Variants in SLC12A7 observed in about 807,000 individuals in gnomAD.
SLC12A7 encodes the protein K-Cl cotransporter 4.
In SLC12A7, 100 loss-of-function variants were observed where a neutral mutation model predicts 120.6. The observed-to-expected ratio is 0.83, with a 90% CI of 0.71 to 0.98. The LOEUF (loss-of-function observed/expected upper bound fraction) is 0.98. SLC12A7 is among the 50% of genes least tolerant of loss of function. The pLI, the probability that SLC12A7 is intolerant of heterozygous loss-of-function variation, is 0.00. For synonymous variants in SLC12A7, 760 were observed against 678.0 expected (o/e 1.12, Z -1.88); for missense variants, 1,373 against 1,548.1 (o/e 0.89, Z 1.90).
chr5:1,124,578 T>G, the SLC12A7 span, among the ~76,000 whole-genome samples: 1 of 152,070 alleles, frequency 6.6e-6, no homozygotes, highest in Admixed American at 6.5e-5. Context: ...AATCCAGAGC[T>G]CAGAGAACAC....
At chr5:1,058,091 CTG>C (rs1456087480) in intron 21 of SLC12A7, among the ~76,000 whole-genome samples, 3 of 152,222 alleles carry the variant, frequency 2.0e-5, no homozygotes, top group African/African-American at 7.2e-5. Context: ...GGGAAGCAGG[CTG>C]TGTCTGACCA....
intron 1 of SLC12A7, among the ~76,000 whole-genome samples, chr5:1,104,503 G>A (rs572522019): frequency 2.0e-5 from 3 of 152,316 alleles, no homozygotes; most frequent in Admixed American, 6.5e-5. Context: ...GGCATGCTGC[G>A]TGCGGCTATC....
In SLC12A7 at chr5:1,064,247, C is replaced by T. The variant is rs763494805; in HGVS notation, c.2443G>A (p.Val815Ile). 1.0e-4 allele frequency: 161 copies of T among 1,608,600 alleles called. 1 individual carries two copies. The highest frequency in any genetic ancestry group is 1.2e-4 in the Non-Finnish European group (143 of 1,177,954). ...PFSWKNFVDT[V>I]RDTTAAHQAL... ...TGGTGCGCGGCGGTGGTGTCGCGGA[C>T]GGTGTCTGCGGAGAGAGGCGGCCGT... Residue 815 changes from valine (V) to isoleucine (I), a missense_variant, in exon 19 of 24, where the codon GTC becomes ATC. By Grantham distance (29) the Val-to-Ile change is conservative. Coordinates refer to ENST00000264930, the MANE Select transcript of SLC12A7 (RefSeq NM_006598.3).
chr5:1,122,182 C>T, the SLC12A7 span, among the ~76,000 whole-genome samples: 1 of 152,290 alleles, frequency 6.6e-6, no homozygotes, highest in African/African-American at 2.4e-5. Context: ...GGGAACTTTC[C>T]CTGCCCCCAC....
At chr5:1,085,645 G>A (rs1006072187) in intron 6 of SLC12A7, among the ~76,000 whole-genome samples, 172 bp from the exon 7 acceptor site, 2 of 136,182 alleles carry the variant, frequency 1.5e-5, no homozygotes, top group South Asian at 2.4e-4. Flanking sequence ...GGCAAGGGAC[G>A]GAGCCCGCGG....
At chr5:1,063,493 G>GTCCACAAGCAACACACGGGGC (rs1455490942) in intron 20 of SLC12A7, among the ~76,000 whole-genome samples, 2 of 152,276 alleles carry the variant, frequency 1.3e-5, no homozygotes, top group East Asian at 3.9e-4. Flanking sequence ...TACACGAGGT[G>GTCCACAAGCAACACACGGGGC]TCCACAAGCA....
chr5:1,078,012 A>AGGCAGGCG lies in SLC12A7; in HGVS notation c.1455-13_1455-6dup, dbSNP rs768367750. 4.0e-4 allele frequency: 629 copies of AGGCAGGCG among 1,556,202 alleles called. No homozygotes were observed. The highest frequency in any genetic ancestry group is 6.7e-4 in the Middle Eastern group (4 of 5,956). ...CCCTGCAGGGCCTCCCCGAACCTGCAGGCAGGCGGGCAGGCGGGCGGGCGG... is the reference window on the plus strand; with the variant it reads ...CCCTGCAGGGCCTCCCCGAACCTGCAGGCAGGCGGGCAGGCGGGCAGGCGGGCGGGCGG... On this transcript the variant is annotated splice_polypyrimidine_tract_variant and splice_region_variant and intron_variant, in intron 11 of 23. Coordinates refer to ENST00000264930, the MANE Select transcript of SLC12A7 (RefSeq NM_006598.3).
intron 22 of SLC12A7, among the ~76,000 whole-genome samples, chr5:1,055,143 CACAT>C (rs577806967): frequency 4.7e-4 from 71 of 152,132 alleles, no homozygotes; most frequent in Non-Finnish European, 7.5e-4. Flanking sequence ...TACGCACACA[CACAT>C]ACATGCAGAC....
the SLC12A7 span, among the ~76,000 whole-genome samples, chr5:1,140,367 G>A: frequency 6.6e-6 from 1 of 152,198 alleles, no homozygotes; most frequent in Admixed American, 6.5e-5. Flanking sequence ...CCACACCTGC[G>A]TCTCCATCTC....
At chr5:1,102,580 C>T (rs1335247652) in intron 1 of SLC12A7, among the ~76,000 whole-genome samples, 5 of 152,222 alleles carry the variant, frequency 3.3e-5, no homozygotes, top group African/African-American at 2.4e-5. Context: ...TGCCCTCCAG[C>T]GTGGGTGGTC....
chr5:1,106,389 G>C (rs1742530206), intron 1 of SLC12A7, among the ~76,000 whole-genome samples: 1 of 148,624 alleles, frequency 6.7e-6, no homozygotes, highest in Admixed American at 6.8e-5. Flanking sequence ...GGAGGCAGAG[G>C]TTGCAGTGAG....
chr5:1,111,934 C>A lies in SLC12A7; in HGVS notation c.58G>T (p.Glu20Ter), dbSNP rs780492560. 3 of 1,286,872 alleles carry A rather than the reference C, an allele frequency of 2.3e-6. No homozygotes were observed. Among genetic ancestry groups the A allele is most frequent in the East Asian group, 3.1e-5 (1 of 31,950 alleles). The allele number at this position is 1,286,872 out of a possible 1,614,324, so 79.7% of individuals were successfully genotyped here. The change falls in exon 1 of 24, where the codon GAG (glutamate) becomes TAG (stop). Residue 20 changes from glutamate (E) to a stop codon, truncating the protein, a stop_gained. Transcript: ENST00000264930. LOFTEE classifies it high-confidence loss of function. ...VEAHADGGGD[E>*]TAERTEAPGT... ...GGAGCCTCCGTCCGCTCGGCAGTCT[C>A]GTCCCCGCCGCCGTCGGCGTGAGCC... is the stretch of plus-strand genomic sequence containing the variant.
intron 22 of SLC12A7, among the ~76,000 whole-genome samples, chr5:1,055,658 G>A (rs1281687650): frequency 2.0e-5 from 3 of 152,224 alleles, no homozygotes; most frequent in Non-Finnish European, 4.4e-5. Context: ...ACCAAGGGGA[G>A]GCAAGCCCCG....
At chr5:1,140,701 C>T in the SLC12A7 span, among the ~76,000 whole-genome samples, 3 of 152,234 alleles carry the variant, frequency 2.0e-5, no homozygotes, top group South Asian at 4.1e-4. Context: ...CAACGAGAGG[C>T]GCAAGGGCGG....
At chr5:1,078,138 TC>T in intron 11 of SLC12A7, 131 bp from the exon 12 acceptor site, 1 of 1,143,940 alleles carries the variant, frequency 8.7e-7, no homozygotes. Context: ...AGGCCCGGCC[TC>T]CAGTCCCCGT....
chr5:1,097,754 G>A (rs1445665928), intron 1 of SLC12A7, among the ~76,000 whole-genome samples: 2 of 152,164 alleles, frequency 1.3e-5, no homozygotes, highest in Admixed American at 6.5e-5. Context: ...CACTGAACAT[G>A]TGAGCGTGTG....
chr5:1,068,836 A>G (rs1737333575), intron 17 of SLC12A7, among the ~76,000 whole-genome samples: 1 of 152,234 alleles, frequency 6.6e-6, no homozygotes, highest in South Asian at 2.1e-4. Context: ...GGGTCCCGTC[A>G]TCCCCCAGTC....
At position 1,073,832 on chromosome 5, in the gene SLC12A7, G is replaced by A. The variant is rs201442915; in HGVS notation, c.2073-31C>T. 1.7e-4 allele frequency: 233 copies of A among 1,383,838 alleles called. 1 individual carries two copies. In the African/African-American group the frequency reaches 1.8e-3, roughly 10 times the overall value. The allele number at this position is 1,383,838 out of a possible 1,614,324, so 85.7% of individuals were successfully genotyped here. ...GCCAGGGTGGGGCGGCTGTTACCAC[G>A]GCAACGCTTACCAGGGCACGGCCCA... On this transcript the variant is annotated intron_variant, in intron 16 of 23. Transcript: ENST00000264930.
At chr5:1,124,332 A>G in the SLC12A7 span, among the ~76,000 whole-genome samples, 2 of 152,254 alleles carry the variant, frequency 1.3e-5, no homozygotes, top group African/African-American at 4.8e-5. Context: ...AAAGATTTGC[A>G]GCTCCAGCGC....
Sources: allele counts gnomAD v4.1 joint callset (sites outside exome capture counted in the v4.1 genomes callset), GRCh38; gene constraint gnomAD v4.1.1; transcripts MANE v1.5; gene names NCBI Gene and HGNC (gene_info 2026-07-23, HGNC 2026-07-21).